The following SERPIND1 variants were observed in gnomAD, a reference collection of about 807,000 sequenced individuals.
The protein encoded by SERPIND1 is heparin cofactor 2.
In SERPIND1, 34 loss-of-function variants were observed where a neutral mutation model predicts 35.0. That is an observed-to-expected ratio of 0.97 (90% confidence interval 0.74 to 1.29). SERPIND1 has a LOEUF of 1.29. Ranked by LOEUF, SERPIND1 falls within the 50% of genes most tolerant of loss-of-function variation. The pLI is 0.00. For missense variants in SERPIND1, 633 were observed against 637.7 expected, an observed-to-expected ratio of 0.99 and a Z score of 0.08; for synonymous variants, 236 against 241.1, an observed-to-expected ratio of 0.98 and a Z score of 0.19.
intron 1 of SERPIND1, 69 bp downstream of exon 1, chr22:20,774,214 TC>T (rs1209165794): frequency 6.6e-6 from 1 of 152,218 alleles, no homozygotes; most frequent in African/African-American, 2.4e-5. Flanking sequence ...GGCAACTGGT[TC>T]ATTTTTCTAG....
chr22:20,778,169 G>C (rs1200928072), intron 1 of SERPIND1, among the ~76,000 whole-genome samples: 1 of 152,088 alleles, frequency 6.6e-6, no homozygotes, highest in Non-Finnish European at 1.5e-5. Flanking sequence ...GCCCTGAGGG[G>C]GTCTCAGCAC....
chr22:20,786,040 G>A lies in SERPIND1; in HGVS notation c.1200G>A (p.Glu400=). The change falls in exon 4 of 5, where the codon GAG becomes GAA. Residue 400 remains glutamate (E), a synonymous_variant. Transcript: ENST00000215727. ...REVLLPKFKL[E]KNYNLVESLK... The stretch of plus-strand genomic sequence containing the variant: ...TGCTTCTGCCGAAATTCAAGCTGGA[G>A]AAGAACTACAATCTAGTGGAGTCCC... 1.2e-6 allele frequency: 2 copies of A among 1,614,154 alleles called. No homozygotes were observed. Among genetic ancestry groups the A allele is most frequent in the South Asian group, 1.1e-5 (1 of 91,080 alleles).
At chr22:20,777,034 T>A (rs71312787) in intron 1 of SERPIND1, among the ~76,000 whole-genome samples, 1 of 109,128 alleles carries the variant, frequency 9.2e-6, no homozygotes, top group Admixed American at 9.9e-5. Flanking sequence ...CAAAAGGCAG[T>A]TTTTTTTTGT....
chr22:20,787,174 C>G lies in SERPIND1; in HGVS notation c.*108C>G, dbSNP rs778736324. 1.9e-6 allele frequency: 2 copies of G among 1,033,434 alleles called. No homozygotes were observed. Among genetic ancestry groups the G allele is most frequent in the Non-Finnish European group, 3.0e-6 (2 of 671,332 alleles). The allele number at this position is 1,033,434 out of a possible 1,614,324, so 64.0% of individuals were successfully genotyped here. ...GCATCATTTACGTAGTTTACGCTAC[C>G]AATCTGAATTCGAGGCCCATATGAG... On this transcript the variant is annotated 3_prime_UTR_variant, in exon 5 of 5. Coordinates refer to ENST00000215727, the MANE Select transcript of SERPIND1 (RefSeq NM_000185.4).
At chr22:20,776,477 T>C (rs1051355159) in intron 1 of SERPIND1, among the ~76,000 whole-genome samples, 34 of 152,234 alleles carry the variant, frequency 2.2e-4, no homozygotes, top group Non-Finnish European at 2.9e-4. Context: ...TGCTCCAAAA[T>C]GTGCAATTCA....
At position 20,774,883 on chromosome 22, in the gene SERPIND1, T is replaced by TAC. The variant is rs146045726; in HGVS notation, c.-17+750_-17+751dup. Among the ~76,000 whole-genome samples the TAC allele has an allele frequency of 6.5e-4, 99 of 151,678 alleles. 2 individuals are homozygous for TAC. In the East Asian group the frequency reaches 0.016, roughly 24 times the overall value. On this transcript the variant is annotated intron_variant, in intron 1 of 4. Coordinates refer to ENST00000215727, the MANE Select transcript of SERPIND1 (RefSeq NM_000185.4). The stretch of plus-strand genomic sequence containing the variant: ...ATGCCTGTGAGAACACACACGTACG[T>TAC]ACACACACACACAGATAATGACAGG...
At chr22:20,782,646 A>G (rs567716278) in intron 2 of SERPIND1, among the ~76,000 whole-genome samples, 1 of 152,186 alleles carries the variant, frequency 6.6e-6, no homozygotes, top group Non-Finnish European at 1.5e-5. Context: ...CGTGATTCCC[A>G]AAAGAGCAAT....
At chr22:20,774,561 G>A (rs552287332) in intron 1 of SERPIND1, among the ~76,000 whole-genome samples, 188 of 152,240 alleles carry the variant, frequency 1.2e-3, no homozygotes, top group African/African-American at 4.2e-3. Flanking sequence ...AGGAGTTCAA[G>A]ACCAGCCTGA....
rs1307904948 is a variant in SERPIND1 at position 20,779,445 on chromosome 22, T to A, written c.133T>A (p.Leu45Ile). 1 of 1,614,082 alleles carries A rather than the reference T, an allele frequency of 6.2e-7. No homozygotes were observed. Residue 45 changes from leucine (L) to isoleucine (I), a missense_variant, in exon 2 of 5, where the codon TTA becomes ATA. Coordinates refer to ENST00000215727, the MANE Select transcript of SERPIND1 (RefSeq NM_000185.4). ...AQSADPQWEQ[L>I]NNKNLSMPLL... ...GTCTGCAGATCCCCAGTGGGAGCAG[T>A]TAAATAACAAAAACCTGAGCATGCC...
chr22:20,778,461 G>A (rs1248658491), intron 1 of SERPIND1, among the ~76,000 whole-genome samples: 4 of 152,126 alleles, frequency 2.6e-5, no homozygotes, highest in East Asian at 3.9e-4. Context: ...CCGAGATCGC[G>A]CCACTGCACT....
intron 1 of SERPIND1, among the ~76,000 whole-genome samples, chr22:20,777,033 GTTT>G (rs940118924): frequency 1.6e-4 from 17 of 108,732 alleles, no homozygotes; most frequent in African/African-American, 6.8e-4. Flanking sequence ...ACAAAAGGCA[GTTT>G]TTTTTTGTTT....
At chr22:20,786,848 A>C in intron 4 of SERPIND1, 27 bp from the exon 5 acceptor site, 1 of 1,613,384 alleles carries the variant, frequency 6.2e-7, no homozygotes, top group Non-Finnish European at 8.5e-7. Context: ...TGACCTCCAG[A>C]ATCTGACAAC....
In SERPIND1 at chr22:20,784,209, G is replaced by A. The variant is rs375640869; in HGVS notation, c.1127G>A (p.Arg376Gln). The A allele has an allele frequency of 7.0e-5, 113 of 1,614,170 alleles. No homozygotes were observed. The South Asian group carries it at 1.0e-3, about 15-fold the overall frequency. The change falls in exon 3 of 5, where the codon CGG becomes CAG. Residue 376 changes from arginine to glutamine, a missense_variant. Physicochemically the swap from Arg to Gln is conservative, Grantham distance 43. Transcript: ENST00000215727. ...ACCCTCGAAGCGCAACTGACACCCC[G>A]GGTGGTGGAGAGATGGCAAAAAAGC... Reference protein sequence around the residue: ...MKTLEAQLTPRVVERWQKSMT... With the variant: ...MKTLEAQLTPQVVERWQKSMT...
Position 20,783,964 on chromosome 22 carries a change from C to A in SERPIND1, c.890-8C>A. On this transcript the variant is annotated splice_region_variant and splice_polypyrimidine_tract_variant and intron_variant, in intron 2 of 4. Coordinates refer to ENST00000215727, the MANE Select transcript of SERPIND1 (RefSeq NM_000185.4). ...TCTCATAACAGCCTCTTCCTGTGGCCTTTACAGGATCCTGGGTGAATAAAT... is the reference window on the plus strand; with the variant it reads ...TCTCATAACAGCCTCTTCCTGTGGCATTTACAGGATCCTGGGTGAATAAAT... The A allele has an allele frequency of 6.2e-7, 1 of 1,614,176 alleles. No homozygotes were observed. The highest frequency in any genetic ancestry group is 1.7e-5 in the Admixed American group (1 of 60,028).
intron 1 of SERPIND1, among the ~76,000 whole-genome samples, chr22:20,777,438 G>A (rs1301668060): frequency 2.6e-5 from 4 of 151,992 alleles, no homozygotes; most frequent in Admixed American, 6.6e-5. Flanking sequence ...GGCTGGTCTC[G>A]AACTCCCGAC....
At position 20,779,970 on chromosome 22, in the gene SERPIND1, T is replaced by G. The variant is rs765189471; in HGVS notation, c.658T>G (p.Ser220Ala). ...GAGGAATTTTGGGTACACACTGCGGTCAGTCAATGACCTTTATATCCAGAA... is the reference window on the plus strand; with the variant it reads ...GAGGAATTTTGGGTACACACTGCGGGCAGTCAATGACCTTTATATCCAGAA... ...FRRNFGYTLR[S>A]VNDLYIQKQF... The change falls in exon 2 of 5, where the codon TCA (serine) becomes GCA (alanine). Residue 220 changes from serine to alanine, a missense_variant. Transcript: ENST00000215727. 1 of 1,614,190 alleles carries G rather than the reference T, an allele frequency of 6.2e-7. No homozygotes were observed. Among genetic ancestry groups the G allele is most frequent in the South Asian group, 1.1e-5 (1 of 91,086 alleles).
At chr22:20,774,322 T>C (rs936610871) in intron 1 of SERPIND1, among the ~76,000 whole-genome samples, 177 bp downstream of exon 1, 8 of 152,218 alleles carry the variant, frequency 5.3e-5, no homozygotes, top group African/African-American at 9.7e-5. Flanking sequence ...AGTTCCATTG[T>C]TGGGAGAGTT....
At position 20,779,196 on chromosome 22, in the gene SERPIND1, C is replaced by T. The variant is rs957758085; in HGVS notation, c.-16-101C>T. 1.3e-5 allele frequency: 21 copies of T among 1,592,712 alleles called. No homozygotes were observed. The Admixed American group carries it at 2.4e-4, about 18-fold the overall frequency. ...AGTTAAGAACTAATGCTGTGAGGGCCTCTTCCTGGGTCAAAGCCACAGGGA... is the reference window on the plus strand; with the variant it reads ...AGTTAAGAACTAATGCTGTGAGGGCTTCTTCCTGGGTCAAAGCCACAGGGA... On this transcript the variant is annotated intron_variant, in intron 1 of 4. Transcript: ENST00000215727.
Position 20,779,467 on chromosome 22 carries a change from T to C in SERPIND1, c.155T>C (p.Met52Thr), listed in dbSNP as rs368309170. 10 of 1,614,050 alleles carry C rather than the reference T, an allele frequency of 6.2e-6. No individual in the cohort carries two copies. The highest frequency in any genetic ancestry group is 3.3e-5 in the Admixed American group (2 of 59,990). Residue 52 changes from methionine (M) to threonine (T), a missense_variant, in exon 2 of 5, where the codon ATG becomes ACG. By Grantham distance (81) the Met-to-Thr change is moderately conservative. Coordinates refer to ENST00000215727, the MANE Select transcript of SERPIND1 (RefSeq NM_000185.4). ...WEQLNNKNLSMPLLPADFHKE... is the reference protein window; with the variant it reads ...WEQLNNKNLSTPLLPADFHKE... ...CAGTTAAATAACAAAAACCTGAGCA[T>C]GCCTCTTCTCCCTGCCGACTTCCAC...
Sources: allele counts gnomAD v4.1 joint callset (sites outside exome capture counted in the v4.1 genomes callset), GRCh38; gene constraint gnomAD v4.1.1; transcripts MANE v1.5; gene names NCBI Gene and HGNC (gene_info 2026-07-23, HGNC 2026-07-21).